LYVE1: variants seen among roughly 807,000 people sequenced by gnomAD.
LYVE1 encodes the protein lymphatic vessel endothelial hyaluronan receptor 1.
LYVE1 carries 29 observed loss-of-function variants against 31.5 expected under a neutral mutation model. The observed-to-expected ratio is 0.92, with a 90% confidence interval of 0.69 to 1.26. The LOEUF is 1.26. Among genes scored for constraint, LYVE1 ranks in the 50% most tolerant of loss-of-function variants. The probability of loss-of-function intolerance (pLI) is 0.00; values close to 1 mark genes in which losing one functional copy is unlikely to be tolerated. For synonymous variants in LYVE1, 134 were observed against 139.4 expected (o/e 0.96, Z 0.27); for missense variants, 376 against 380.2 (o/e 0.99, Z 0.09).
At position 10,560,691 on chromosome 11, in the gene LYVE1, G is replaced by A. The variant is rs1850406127; in HGVS notation, c.507C>T (p.Tyr169=). 2.5e-6 allele frequency: 4 copies of A among 1,613,800 alleles called. No homozygotes were observed. In the Admixed American group the frequency reaches 6.7e-5, roughly 27 times the overall value. The part of the protein sequence containing the change: ...TTEFIVSDST[Y]SVASPYSTIP... ...TTGTAGAGTAAGGGGATGCCACCGA[G>A]TAGGTACTGTCACTGACAATAAATT... Residue 169 remains tyrosine (Y), a synonymous_variant, in exon 4 of 6, where the codon TAC becomes TAT. Coordinates refer to ENST00000256178, the MANE Select transcript of LYVE1 (RefSeq NM_006691.4).
intron 5 of LYVE1, 48 bp from the exon 6 acceptor site, chr11:10,559,345 G>GA (rs781407454): frequency 1.3e-6 from 2 of 1,496,362 alleles, no homozygotes; most frequent in Non-Finnish European, 1.8e-6. Flanking sequence ...CACACATAAC[G>GA]ATAGATAACA....
chr11:10,556,992 C>G lies in LYVE1; in HGVS notation c.*2119G>C, dbSNP rs1369431593. 6.6e-6 allele frequency: 1 copy of G among 151,206 alleles called. No homozygotes were observed. The highest frequency in any genetic ancestry group is 2.4e-5 in the African/African-American group (1 of 41,064). 9.4% of individuals were successfully genotyped at this position (151,206 alleles called of 1,614,324 possible). A position where few individuals can be genotyped will look rare whatever the true frequency, so the allele number is the denominator to read the frequency against. Reference sequence around the variant, plus strand: ...TTCAGCTAACACACAGAGGGAAGATCACTACTTAGGCGCTTTCCCTCTTTT... The same window carrying G: ...TTCAGCTAACACACAGAGGGAAGATGACTACTTAGGCGCTTTCCCTCTTTT... On this transcript the variant is annotated 3_prime_UTR_variant, in exon 6 of 6. Coordinates refer to ENST00000256178, the MANE Select transcript of LYVE1 (RefSeq NM_006691.4).
In LYVE1 at chr11:10,568,432, C is replaced by T; in HGVS notation, c.85+16G>A. The T allele has an allele frequency of 1.2e-6, 2 of 1,612,836 alleles. No individual in the cohort carries two copies. Among genetic ancestry groups the T allele is most frequent in the Non-Finnish European group, 1.7e-6 (2 of 1,179,236 alleles). On this transcript the variant is annotated intron_variant, in intron 1 of 5. Transcript: ENST00000256178. ...TGAAGCCTTGCTTCAGTTTGGAAAT[C>T]TGGTGAGAAACCTACCTTCTGCACG...
rs557496051 is a variant in LYVE1 at position 10,558,630 on chromosome 11, C to T, written c.*481G>A. Reference sequence around the variant, plus strand: ...TTTTCTGCCATTCTTTTGCTCTTACCGGGCTCAGAAGGACATGTCAGGTGG... The same window carrying T: ...TTTTCTGCCATTCTTTTGCTCTTACTGGGCTCAGAAGGACATGTCAGGTGG... On this transcript the variant is annotated 3_prime_UTR_variant, in exon 6 of 6. Coordinates refer to ENST00000256178, the MANE Select transcript of LYVE1 (RefSeq NM_006691.4). 259 of 152,892 alleles carry T rather than the reference C, an allele frequency of 1.7e-3. 1 individual carries two copies. Among genetic ancestry groups the T allele is most frequent in the African/African-American group, 5.7e-3 (238 of 41,566 alleles). The allele number at this position is 152,892 out of a possible 1,614,324, so 9.5% of individuals were successfully genotyped here. A position where few individuals can be genotyped will look rare whatever the true frequency, so the allele number is the denominator to read the frequency against.
intron 3 of LYVE1, 33 bp downstream of exon 3, chr11:10,563,907 A>T (rs778499418): frequency 3.7e-6 from 6 of 1,613,474 alleles, no homozygotes; most frequent in Non-Finnish European, 5.1e-6. Context: ...TACCCAGAGA[A>T]TGCCACGTGG....
At chr11:10,563,818 A>C in intron 3 of LYVE1, 122 bp downstream of exon 3, 1 of 1,253,264 alleles carries the variant, frequency 8.0e-7, no homozygotes. Context: ...CAGTGTCGGG[A>C]GAATTAGATG....
Position 10,564,764 on chromosome 11 carries a change from C to G in LYVE1, c.86-390G>C, listed in dbSNP as rs531033776. Among the ~76,000 whole-genome samples the G allele has an allele frequency of 5.9e-5, 9 of 152,192 alleles. No individual in the cohort carries two copies. The East Asian group carries it at 1.7e-3, about 29-fold the overall frequency. On this transcript the variant is annotated intron_variant, in intron 1 of 5. Coordinates refer to ENST00000256178, the MANE Select transcript of LYVE1 (RefSeq NM_006691.4). ...AAAGATAGAATTCAGGGCTCTAGTTCATAGAATAGTTAGCAATACCCCAAA... is the reference window on the plus strand; with the variant it reads ...AAAGATAGAATTCAGGGCTCTAGTTGATAGAATAGTTAGCAATACCCCAAA...
At chr11:10,561,256 C>T (rs1008651567) in intron 3 of LYVE1, among the ~76,000 whole-genome samples, 2 of 152,200 alleles carry the variant, frequency 1.3e-5, no homozygotes, top group African/African-American at 4.8e-5. Context: ...TTCCTTGTCA[C>T]AGTTCTCATT....
At chr11:10,563,096 G>A (rs1373492464) in intron 3 of LYVE1, among the ~76,000 whole-genome samples, 1 of 152,000 alleles carries the variant, frequency 6.6e-6, no homozygotes, top group South Asian at 2.1e-4. Context: ...TGGGACTACA[G>A]GTGCCTGCCA....
chr11:10,560,263 G>C (rs1591513029), intron 4 of LYVE1, among the ~76,000 whole-genome samples: 1 of 152,148 alleles, frequency 6.6e-6, no homozygotes, highest in African/African-American at 2.4e-5. Context: ...ATTTTTAAAA[G>C]TCTTGAGTTT....
At position 10,558,832 on chromosome 11, in the gene LYVE1, T is replaced by G. The variant is rs1270444901; in HGVS notation, c.*279A>C. The G allele has an allele frequency of 2.8e-6, 1 of 363,148 alleles. No homozygotes were observed. Among genetic ancestry groups the G allele is most frequent in the East Asian group, 4.4e-5 (1 of 22,678 alleles). 22.5% of individuals were successfully genotyped at this position (363,148 alleles called of 1,614,324 possible). A position where few individuals can be genotyped will look rare whatever the true frequency, so the allele number is the denominator to read the frequency against. ...AGGTCCTTGCACTTTGCAAAACTCCTTTCTCCCAGTGGGATATTATTAGGA... is the reference window on the plus strand; with the variant it reads ...AGGTCCTTGCACTTTGCAAAACTCCGTTCTCCCAGTGGGATATTATTAGGA... On this transcript the variant is annotated 3_prime_UTR_variant, in exon 6 of 6. Coordinates refer to ENST00000256178, the MANE Select transcript of LYVE1 (RefSeq NM_006691.4).
Position 10,558,655 on chromosome 11 carries a change from G to T in LYVE1, c.*456C>A, listed in dbSNP as rs1430712342. On this transcript the variant is annotated 3_prime_UTR_variant, in exon 6 of 6. Coordinates refer to ENST00000256178, the MANE Select transcript of LYVE1 (RefSeq NM_006691.4). ...CGGGCTCAGAAGGACATGTCAGGTG[G>T]GATACGTGTTTCTCTTTCAGAGCTG... is the stretch of plus-strand genomic sequence containing the variant. 1.9e-5 allele frequency: 3 copies of T among 153,922 alleles called. No homozygotes were observed. The highest frequency in any genetic ancestry group is 1.3e-4 in the Admixed American group (2 of 15,330). 9.5% of individuals were successfully genotyped at this position (153,922 alleles called of 1,614,324 possible).
At chr11:10,567,446 A>C (rs79825140) in intron 1 of LYVE1, among the ~76,000 whole-genome samples, 1,986 of 152,344 alleles carry the variant, frequency 0.013, 43 homozygotes, top group African/African-American at 0.045. Context: ...TTCAAAGAGG[A>C]CCAAACTTAT....
intron 3 of LYVE1, among the ~76,000 whole-genome samples, chr11:10,561,677 G>T (rs1032406680): frequency 2.0e-5 from 3 of 152,328 alleles, no homozygotes; most frequent in African/African-American, 7.2e-5. Context: ...TACACAGGAG[G>T]AAACTGAAGT....
rs140431627 is a variant in LYVE1, at chr11:10,558,884, A to C, written c.*227T>G. 829 of 477,726 alleles carry C rather than the reference A, an allele frequency of 1.7e-3. 5 individuals carry two copies. Among genetic ancestry groups the C allele is most frequent in the African/African-American group, 0.015 (758 of 51,214 alleles). The allele number at this position is 477,726 out of a possible 1,614,324, so 29.6% of individuals were successfully genotyped here. A position where few individuals can be genotyped will look rare whatever the true frequency, so the allele number is the denominator to read the frequency against. ...ATAGCCAGGCTAGAAAGGCCGTGGG[A>C]AGCTTTGGAGGTAGGAGGATAGGAT... On this transcript the variant is annotated 3_prime_UTR_variant, in exon 6 of 6. Transcript: ENST00000256178.
chr11:10,565,214 T>C (rs1850511722), intron 1 of LYVE1, among the ~76,000 whole-genome samples: 1 of 152,196 alleles, frequency 6.6e-6, no homozygotes, highest in African/African-American at 2.4e-5. Context: ...ACATTATCAT[T>C]ATCGTTAAAG....
intron 3 of LYVE1, among the ~76,000 whole-genome samples, chr11:10,562,652 T>A (rs2134006422): frequency 6.6e-6 from 1 of 152,222 alleles, no homozygotes; most frequent in South Asian, 2.1e-4. Context: ...TGAGAGCAAG[T>A]GAGTATTTAG....
chr11:10,559,362 G>T, intron 5 of LYVE1, 65 bp from the exon 6 acceptor site: 2 of 1,374,838 alleles, frequency 1.5e-6, no homozygotes, highest in Non-Finnish European at 2.0e-6. Flanking sequence ...AACACTTTTT[G>T]GCCATGGTAC....
In LYVE1 at chr11:10,564,003, C is replaced by T. The variant is rs779509043; in HGVS notation, c.334G>A (p.Gly112Ser). 1 of 1,614,128 alleles carries T rather than the reference C, an allele frequency of 6.2e-7. No homozygotes were observed. The highest frequency in any genetic ancestry group is 8.5e-7 in the Non-Finnish European group (1 of 1,180,018). ...PNPKCGKNGV[G>S]VLIWKVPVSR... Reference sequence around the variant, plus strand: ...ACTGGAACCTTCCAAATCAGGACACCCACCCCATTTTTCCCACACTTGGGG... The same window carrying T: ...ACTGGAACCTTCCAAATCAGGACACTCACCCCATTTTTCCCACACTTGGGG... The change falls in exon 3 of 6, where the codon GGT (glycine) becomes AGT (serine). Residue 112 changes from glycine to serine, a missense_variant. By Grantham distance (56) the Gly-to-Ser change is moderately conservative (BLOSUM62 0). Transcript: ENST00000256178.
Sources: allele counts gnomAD v4.1 joint callset (sites outside exome capture counted in the v4.1 genomes callset), GRCh38; gene constraint gnomAD v4.1.1; transcripts MANE v1.5; gene names NCBI Gene and HGNC (gene_info 2026-07-23, HGNC 2026-07-21).